NRTN: variants seen among roughly 807,000 people sequenced by gnomAD.
The protein encoded by NRTN is prepro-neurturin.
A neutral mutation model predicts 7.5 loss-of-function variants in NRTN; 3 were observed. The ratio of observed to expected loss-of-function variants is 0.40; its 90% CI spans 0.18 to 1.03. NRTN has a LOEUF of 1.03. Ranked by LOEUF, NRTN falls within the 50% of genes least tolerant of loss-of-function variation. The pLI, the probability that NRTN is intolerant of heterozygous loss-of-function variation, is 0.34. For missense variants in NRTN, 310 were observed against 307.0 expected (o/e 1.01, Z -0.07); for synonymous variants, 157 against 146.6 (o/e 1.07, Z -0.51).
At chr19:5,825,002 G>A (rs935737418) in intron 2 of NRTN, among the ~76,000 whole-genome samples, 1 of 151,998 alleles carries the variant, frequency 6.6e-6, no homozygotes, top group Non-Finnish European at 1.5e-5. Context: ...CAGCAGGGGG[G>A]GCGGTGGGAG....
chr19:5,826,299 G>A (rs1391007830), intron 2 of NRTN, among the ~76,000 whole-genome samples: 3 of 152,016 alleles, frequency 2.0e-5, no homozygotes, highest in Non-Finnish European at 4.4e-5. Flanking sequence ...GTCCTGCTCC[G>A]GGGCTTAAAG....
At chr19:5,811,995 A>G (rs2144757616) in intron 1 of NRTN, among the ~76,000 whole-genome samples, 2 of 151,768 alleles carry the variant, frequency 1.3e-5, no homozygotes, top group East Asian at 3.9e-4. Context: ...TCAGCCTCCC[A>G]AGTAGCTGGG....
At chr19:5,812,675 G>A (rs2056993936) in intron 1 of NRTN, among the ~76,000 whole-genome samples, 1 of 152,232 alleles carries the variant, frequency 6.6e-6, no homozygotes, top group Non-Finnish European at 1.5e-5. Context: ...TTTGTGGGCT[G>A]TGGAATTTGT....
rs2057053900 is a variant in NRTN, at chr19:5,827,895, CGCGAGCTGGAGGTGCGCGTGA to C, written c.326_346del (p.Glu109_Leu115del). The C allele has an allele frequency of 1.4e-6, 2 of 1,396,552 alleles. No homozygotes were observed. Among genetic ancestry groups the C allele is most frequent in the Non-Finnish European group, 1.9e-6 (2 of 1,072,068 alleles). The allele number at this position is 1,396,552 out of a possible 1,614,324, so 86.5% of individuals were successfully genotyped here. On this transcript the variant is annotated inframe_deletion, in exon 3 of 3. Transcript: ENST00000303212. The stretch of plus-strand genomic sequence containing the variant: ...GTTGGGGGCGCGGCCTTGCGGGCTG[CGCGAGCTGGAGGTGCGCGTGA>C]GCGAGCTGGGCCTGGGCTACGCGTC...
At chr19:5,824,824 G>A (rs2144767850) in intron 2 of NRTN, among the ~76,000 whole-genome samples, 1 of 152,186 alleles carries the variant, frequency 6.6e-6, no homozygotes, top group East Asian at 1.9e-4. Context: ...AAAAGATGGG[G>A]TGGAGGGAGG....
chr19:5,824,894 C>T (rs1367394266), intron 2 of NRTN, among the ~76,000 whole-genome samples: 2 of 152,100 alleles, frequency 1.3e-5, no homozygotes, highest in African/African-American at 2.4e-5. Flanking sequence ...TGGGGTCTTT[C>T]GGCTCAGCTG....
intron 1 of NRTN, among the ~76,000 whole-genome samples, chr19:5,810,879 A>C (rs1023034409): frequency 6.6e-6 from 1 of 151,308 alleles, no homozygotes; most frequent in African/African-American, 2.4e-5. Context: ...CACTGAGCTG[A>C]GATCGCTCCA....
chr19:5,828,269 G>A lies in NRTN; in HGVS notation c.*96G>A. 1.5e-6 allele frequency: 2 copies of A among 1,357,684 alleles called. No individual in the cohort carries two copies. Among genetic ancestry groups the A allele is most frequent in the Non-Finnish European group, 2.0e-6 (2 of 1,012,928 alleles). The allele number at this position is 1,357,684 out of a possible 1,614,324, so 84.1% of individuals were successfully genotyped here. On this transcript the variant is annotated 3_prime_UTR_variant, in exon 3 of 3. Transcript: ENST00000303212. Reference sequence around the variant, plus strand: ...AGACTGCGCGTGCGTAGAGCACGCCGGCGCGGCCCCGGGACTCTCGCGATA... The same window carrying A: ...AGACTGCGCGTGCGTAGAGCACGCCAGCGCGGCCCCGGGACTCTCGCGATA...
At chr19:5,811,157 T>G (rs2056989551) in intron 1 of NRTN, among the ~76,000 whole-genome samples, 1 of 152,076 alleles carries the variant, frequency 6.6e-6, no homozygotes, top group African/African-American at 2.4e-5. Flanking sequence ...GAGAACCGCT[T>G]GAACCCCAGA....
Position 5,806,385 on chromosome 19 carries a change from G to A in NRTN, c.-399+934G>A, listed in dbSNP as rs1021784083. Among the ~76,000 whole-genome samples the A allele has an allele frequency of 2.6e-5, 4 of 152,148 alleles. No homozygotes were observed. The highest frequency in any genetic ancestry group is 2.4e-5 in the African/African-American group (1 of 41,424). Reference sequence around the variant, plus strand: ...GGGGCCAGGGGCTTAAAGCAGGGGGGTGCAGGAGGCCGGACCCCTGACTTT... The same window carrying A: ...GGGGCCAGGGGCTTAAAGCAGGGGGATGCAGGAGGCCGGACCCCTGACTTT... On this transcript the variant is annotated intron_variant, in intron 1 of 2. Coordinates refer to ENST00000303212, the MANE Select transcript of NRTN (RefSeq NM_004558.5). The surrounding 1 kb of genome is among the most constrained non-coding windows in gnomAD (Gnocchi z 5.4).
rs1226537903 is a variant in NRTN at position 5,805,144 on chromosome 19, T to C, written c.-706T>C. ...TCGCCGCCGCCCCGGAGCCCCGTGC[T>C]GCGCGCCGAGGCCGCCTGCGCCGTC... On this transcript the variant is annotated 5_prime_UTR_variant, in exon 1 of 3. Coordinates refer to ENST00000303212, the MANE Select transcript of NRTN (RefSeq NM_004558.5). Among the ~76,000 whole-genome samples the C allele has an allele frequency of 6.8e-6, 1 of 146,284 alleles. No individual in the cohort carries two copies. The highest frequency in any genetic ancestry group is 1.5e-5 in the Non-Finnish European group (1 of 65,816).
chr19:5,815,129 G>A (rs1385661024), intron 1 of NRTN, among the ~76,000 whole-genome samples: 1 of 152,312 alleles, frequency 6.6e-6, no homozygotes, highest in East Asian at 1.9e-4. Context: ...GTGGGCGTTG[G>A]TGGCGTGTTC....
At position 5,823,980 on chromosome 19, in the gene NRTN, C is replaced by T. The variant is rs547617555; in HGVS notation, c.-186C>T. 2.5e-5 allele frequency: 20 copies of T among 800,938 alleles called. 1 individual carries two copies. The highest frequency in any genetic ancestry group is 2.2e-4 in the South Asian group (13 of 59,470). 49.6% of individuals were successfully genotyped at this position (800,938 alleles called of 1,614,324 possible). A position where few individuals can be genotyped will look rare whatever the true frequency, so the allele number is the denominator to read the frequency against. ...GGGCGGTTCCCTGTGACTCCTGGCA[C>T]GGAGGCCAACCCCTTCCTTGTTCAA... On this transcript the variant is annotated 5_prime_UTR_variant, in exon 2 of 3. The change creates a new upstream start codon in the 5' untranslated region. Coordinates refer to ENST00000303212, the MANE Select transcript of NRTN (RefSeq NM_004558.5).
At chr19:5,808,129 C>T (rs958516432) in intron 1 of NRTN, among the ~76,000 whole-genome samples, 3 of 152,178 alleles carry the variant, frequency 2.0e-5, no homozygotes, top group African/African-American at 7.2e-5. Flanking sequence ...TCCCGGGAAA[C>T]TGAAGAGTGG....
chr19:5,827,919 G>C lies in NRTN; in HGVS notation c.340G>C (p.Glu114Gln), dbSNP rs369015131. ...GLRELEVRVS[E>Q]LGLGYASDET... ...GCGCGAGCTGGAGGTGCGCGTGAGC[G>C]AGCTGGGCCTGGGCTACGCGTCCGA... Residue 114 changes from glutamate (E) to glutamine (Q), a missense_variant, in exon 3 of 3, where the codon GAG (glutamate) becomes CAG (glutamine). Coordinates refer to ENST00000303212, the MANE Select transcript of NRTN (RefSeq NM_004558.5). 6.2e-6 allele frequency: 9 copies of C among 1,458,316 alleles called. No homozygotes were observed. Among genetic ancestry groups the C allele is most frequent in the Non-Finnish European group, 7.2e-6 (8 of 1,106,292 alleles). The allele number at this position is 1,458,316 out of a possible 1,614,324, so 90.3% of individuals were successfully genotyped here.
At chr19:5,811,062 C>T (rs1225329659) in intron 1 of NRTN, among the ~76,000 whole-genome samples, 2 of 151,736 alleles carry the variant, frequency 1.3e-5, no homozygotes, top group African/African-American at 4.8e-5. Flanking sequence ...CATGGTGAAA[C>T]CCCGTCTCTA....
chr19:5,821,205 T>C (rs1035984100), intron 1 of NRTN, among the ~76,000 whole-genome samples: 3 of 149,412 alleles, frequency 2.0e-5, no homozygotes, highest in African/African-American at 7.4e-5. Flanking sequence ...TTCTTTTTCA[T>C]CCTCCCAATA....
At chr19:5,810,192 G>C (rs1170140276) in intron 1 of NRTN, among the ~76,000 whole-genome samples, 1 of 149,810 alleles carries the variant, frequency 6.7e-6, no homozygotes, top group Non-Finnish European at 1.5e-5. Context: ...GCGTGAACCC[G>C]GAAGGCAGAG....
chr19:5,816,724 C>T (rs564702273), intron 1 of NRTN, among the ~76,000 whole-genome samples: 1 of 152,090 alleles, frequency 6.6e-6, no homozygotes, highest in African/African-American at 2.4e-5. Flanking sequence ...CCTATATTGC[C>T]CAGGTTGGTC....
Sources: gnomAD v4.1 joint callset for allele counts (sites outside exome capture counted in the v4.1 genomes callset) on GRCh38, gnomAD v4.1.1 for gene constraint, Gnocchi (gnomAD v3.1) non-coding constraint, MANE v1.5 for transcripts, NCBI Gene and HGNC (gene_info 2026-07-23, HGNC 2026-07-21) for gene names.